L3MBTL4: variants seen among roughly 807,000 people sequenced by gnomAD.
The protein encoded by L3MBTL4 is L3MBTL histone methyl-lysine binding protein 4.
In L3MBTL4, 70 loss-of-function variants were observed where a neutral mutation model predicts 84.5. The observed-to-expected ratio is 0.83, with a 90% CI of 0.68 to 1.01. The LOEUF (loss-of-function observed/expected upper bound fraction) is 1.01. Ranked by LOEUF, L3MBTL4 falls within the 50% of genes least tolerant of loss-of-function variation. The pLI, the probability that L3MBTL4 is intolerant of heterozygous loss-of-function variation, is 0.00. For missense variants in L3MBTL4, 715 were observed against 754.8 expected, an observed-to-expected ratio of 0.95 and a Z score of 0.62; for synonymous variants, 274 against 259.8, an observed-to-expected ratio of 1.05 and a Z score of -0.52.
At chr18:5,972,575 A>T (rs1266389713) in intron 16 of L3MBTL4, among the ~76,000 whole-genome samples, 2 of 152,198 alleles carry the variant, frequency 1.3e-5, no homozygotes, top group Non-Finnish European at 2.9e-5. Context: ...TTCTAAATTA[A>T]CACAACGCAA....
intron 1 of L3MBTL4, among the ~76,000 whole-genome samples, chr18:6,348,539 T>C (rs1014882893): frequency 8.5e-5 from 13 of 152,052 alleles, no homozygotes; most frequent in Non-Finnish European, 1.5e-4. Flanking sequence ...ATATAACCCA[T>C]ACACCAAAAG....
chr18:6,323,021 T>C (rs1194559301), intron 1 of L3MBTL4, among the ~76,000 whole-genome samples: 1 of 152,104 alleles, frequency 6.6e-6, no homozygotes, highest in Non-Finnish European at 1.5e-5. Context: ...TAAAAGTGTG[T>C]AGCACCTCCC....
intron 13 of L3MBTL4, among the ~76,000 whole-genome samples, chr18:6,138,613 C>T (rs1337091663): frequency 2.0e-5 from 3 of 151,924 alleles, no homozygotes; most frequent in Admixed American, 1.3e-4. Flanking sequence ...AATGCAGTGG[C>T]GCATCTCGGC....
At chr18:6,020,535 T>A (rs542499142) in intron 16 of L3MBTL4, among the ~76,000 whole-genome samples, 2 of 151,960 alleles carry the variant, frequency 1.3e-5, no homozygotes, top group South Asian at 4.2e-4. Context: ...ACAAGGAGAA[T>A]AAGATGTAGG....
At chr18:6,004,671 C>T (rs1162800732) in intron 16 of L3MBTL4, among the ~76,000 whole-genome samples, 1 of 149,990 alleles carries the variant, frequency 6.7e-6, no homozygotes, top group East Asian at 1.9e-4. Context: ...ATATTATTTA[C>T]CTTTAAAAAG....
At chr18:6,252,303 A>G (rs906540612) in intron 5 of L3MBTL4, among the ~76,000 whole-genome samples, 2 of 152,080 alleles carry the variant, frequency 1.3e-5, no homozygotes, top group Non-Finnish European at 2.9e-5. Context: ...ACAGAGCAAG[A>G]CTCTGTCTCA....
intron 1 of L3MBTL4, among the ~76,000 whole-genome samples, chr18:6,406,848 A>G (rs1198855435): frequency 1.3e-5 from 2 of 152,250 alleles, no homozygotes; most frequent in African/African-American, 4.8e-5. Flanking sequence ...AAGTTGCTAA[A>G]TGTGGGACAT....
intron 1 of L3MBTL4, among the ~76,000 whole-genome samples, chr18:6,318,494 TAAAAAAAA>T (rs71370550): frequency 1.3e-3 from 18 of 14,204 alleles, no homozygotes; most frequent in African/African-American, 3.3e-3. Context: ...ACAACAATAG[TAAAAAAAA>T]AAAAAAAAAA....
intron 16 of L3MBTL4, among the ~76,000 whole-genome samples, chr18:6,007,351 A>G (rs888255375): frequency 6.6e-6 from 1 of 152,052 alleles, no homozygotes; most frequent in African/African-American, 2.4e-5. Flanking sequence ...TAATACAAAA[A>G]CTTACTTGTA....
At chr18:6,274,376 G>T (rs1164516510) in intron 4 of L3MBTL4, among the ~76,000 whole-genome samples, 1 of 152,174 alleles carries the variant, frequency 6.6e-6, no homozygotes, top group Non-Finnish European at 1.5e-5. Context: ...TCCAGTTGCA[G>T]GTGGCCCTAC....
chr18:6,140,560 C>A (rs2060165882), intron 13 of L3MBTL4, among the ~76,000 whole-genome samples: 1 of 152,138 alleles, frequency 6.6e-6, no homozygotes. Flanking sequence ...AGCGCCTCCT[C>A]ACCGCCTGCC....
At chr18:5,977,884 G>A (rs2053021787) in intron 16 of L3MBTL4, among the ~76,000 whole-genome samples, 1 of 152,166 alleles carries the variant, frequency 6.6e-6, no homozygotes, top group Non-Finnish European at 1.5e-5. Flanking sequence ...CCTCCCCAAG[G>A]CTGCCCCTGG....
At chr18:6,158,935 C>A (rs938951642) in intron 13 of L3MBTL4, among the ~76,000 whole-genome samples, 1 of 152,144 alleles carries the variant, frequency 6.6e-6, no homozygotes, top group African/African-American at 2.4e-5. Flanking sequence ...ACAGCTCTTC[C>A]TCCTTGGAGG....
intron 14 of L3MBTL4, among the ~76,000 whole-genome samples, chr18:6,128,425 C>A (rs1338912973): frequency 6.6e-6 from 1 of 152,078 alleles, no homozygotes; most frequent in East Asian, 1.9e-4. Flanking sequence ...TTTCAAGTCA[C>A]CAGGGATAAA....
At chr18:6,135,486 A>G (rs529420534) in intron 14 of L3MBTL4, among the ~76,000 whole-genome samples, 1 of 152,338 alleles carries the variant, frequency 6.6e-6, no homozygotes, top group African/African-American at 2.4e-5. Flanking sequence ...TGCTTTTAAC[A>G]GCACCCAAGT....
At chr18:6,272,034 G>A (rs1423731303) in intron 4 of L3MBTL4, among the ~76,000 whole-genome samples, 1 of 152,220 alleles carries the variant, frequency 6.6e-6, no homozygotes, top group East Asian at 1.9e-4. Flanking sequence ...GCTCTTGACG[G>A]GGAAAAAGAG....
At chr18:6,287,304 T>C (rs1282747303) in intron 4 of L3MBTL4, among the ~76,000 whole-genome samples, 2 of 151,942 alleles carry the variant, frequency 1.3e-5, no homozygotes, top group African/African-American at 4.8e-5. Flanking sequence ...CAAATAAGAC[T>C]CACACCTCAA....
At chr18:6,317,684 G>T (rs950065459) in intron 1 of L3MBTL4, among the ~76,000 whole-genome samples, 2 of 152,164 alleles carry the variant, frequency 1.3e-5, no homozygotes, top group African/African-American at 2.4e-5. Context: ...ATTACTTGAT[G>T]GAATAATAGA....
intron 12 of L3MBTL4, among the ~76,000 whole-genome samples, chr18:6,186,460 A>G (rs1007012354): frequency 7.2e-5 from 11 of 152,218 alleles, no homozygotes; most frequent in African/African-American, 2.4e-4. Context: ...CCCTGCCGAG[A>G]GACTGAAAAT....
Sources: gnomAD v4.1 joint callset for allele counts (sites outside exome capture counted in the v4.1 genomes callset) on GRCh38, gnomAD v4.1.1 for gene constraint, MANE v1.5 for transcripts, NCBI Gene and HGNC (gene_info 2026-07-23, HGNC 2026-07-21) for gene names.